Variants in B3GAT1 observed in about 807,000 individuals in gnomAD.
The protein encoded by B3GAT1 is galactosylgalactosylxylosylprotein 3-beta-glucuronosyltransferase 1.
Under a neutral mutation model 28.4 loss-of-function variants are expected in B3GAT1, and 11 were observed. The observed-to-expected ratio is 0.39, with a 90% CI of 0.24 to 0.64. B3GAT1 has a LOEUF of 0.64. Among genes scored for constraint, B3GAT1 ranks in the 30% least tolerant of loss-of-function variants. The probability of loss-of-function intolerance (pLI) is 0.50; values close to 1 mark genes in which losing one functional copy is unlikely to be tolerated. For missense variants in B3GAT1, 375 were observed against 491.0 expected (o/e 0.76, Z 2.23); for synonymous variants, 255 against 223.1 (o/e 1.14, Z -1.27).
At chr11:134,387,519 G>C (rs367579539) in intron 2 of B3GAT1, 29 bp downstream of exon 2, 529 of 1,611,454 alleles carry the variant, frequency 3.3e-4, no homozygotes, top group Non-Finnish European at 4.3e-4. Context: ...AGGCCCAGCT[G>C]GGCAGGCAGG....
intron 1 of B3GAT1, among the ~76,000 whole-genome samples, chr11:134,392,686 TG>T (rs1944435643): frequency 6.6e-6 from 1 of 152,060 alleles, no homozygotes; most frequent in African/African-American, 2.4e-5. Context: ...AATTTGTCTA[TG>T]GGTTTTAGGG....
At chr11:134,399,276 G>A (rs146671993) in intron 1 of B3GAT1, among the ~76,000 whole-genome samples, 276 of 152,306 alleles carry the variant, frequency 1.8e-3, no homozygotes, top group African/African-American at 6.3e-3. Context: ...TTTGGGTCCT[G>A]CCCTTGGACC....
chr11:134,399,110 G>A (rs374697316), intron 1 of B3GAT1, among the ~76,000 whole-genome samples: 14 of 152,108 alleles, frequency 9.2e-5, no homozygotes, highest in Admixed American at 3.9e-4. Flanking sequence ...GGCTCCTCTC[G>A]CCTGCATGAT....
intron 1 of B3GAT1, among the ~76,000 whole-genome samples, chr11:134,405,997 G>A (rs193053721): frequency 2.3e-3 from 346 of 152,348 alleles, no homozygotes; most frequent in African/African-American, 7.7e-3. Flanking sequence ...GTGAGGAAAC[G>A]CTCATGCAGC....
At chr11:134,407,378 C>A (rs369866311) in intron 1 of B3GAT1, among the ~76,000 whole-genome samples, 3 of 152,228 alleles carry the variant, frequency 2.0e-5, no homozygotes, top group Non-Finnish European at 2.9e-5. Context: ...GCACTCCCCA[C>A]GCCGTGCCGT....
intron 1 of B3GAT1, among the ~76,000 whole-genome samples, chr11:134,398,133 A>G (rs531110188): frequency 2.3e-4 from 35 of 152,316 alleles, no homozygotes; most frequent in African/African-American, 7.7e-4. Context: ...GTGACTTCAC[A>G]GGGCAGCTGG....
chr11:134,382,046 A>G (rs1252078451), intron 4 of B3GAT1, 22 bp from the exon 5 acceptor site: 1 of 1,610,390 alleles, frequency 6.2e-7, no homozygotes, highest in Non-Finnish European at 8.5e-7. Flanking sequence ...GAGATGCAAA[A>G]CATGGTGGGA....
chr11:134,401,006 G>C (rs1284720974), intron 1 of B3GAT1, among the ~76,000 whole-genome samples: 1 of 152,198 alleles, frequency 6.6e-6, no homozygotes, highest in African/African-American at 2.4e-5. Flanking sequence ...CTCAAGATTA[G>C]TGATCATTAG....
intron 3 of B3GAT1, 136 bp from the exon 4 acceptor site, chr11:134,383,142 T>A: frequency 1.0e-6 from 1 of 971,042 alleles, no homozygotes; most frequent in Non-Finnish European, 1.5e-6. Context: ...GGGTGTCCAG[T>A]ACAGCCCTGC....
chr11:134,381,798 C>A, intron 5 of B3GAT1, 126 bp downstream of exon 5: 1 of 736,140 alleles, frequency 1.4e-6, no homozygotes, highest in Non-Finnish European at 2.3e-6. Flanking sequence ...CGACGCCCTC[C>A]ACTCCTGCCC....
chr11:134,383,020 G>A lies in B3GAT1; in HGVS notation c.622-14C>T, dbSNP rs1445338278. On this transcript the variant is annotated splice_polypyrimidine_tract_variant and intron_variant, in intron 3 of 5. Coordinates refer to ENST00000312527, the MANE Select transcript of B3GAT1 (RefSeq NM_054025.3). ...GGTGCTGCGCATCTACAAGGGGGGG[G>A]TCCAGAGTCAGGGCGCCGGCACTGC... 2.0e-6 allele frequency: 3 copies of A among 1,533,698 alleles called. No individual in the cohort carries two copies. The highest frequency in any genetic ancestry group is 1.2e-5 in the South Asian group (1 of 82,890).
intron 1 of B3GAT1, among the ~76,000 whole-genome samples, chr11:134,397,547 G>A (rs891679980): frequency 2.1e-5 from 3 of 141,172 alleles, no homozygotes; most frequent in Non-Finnish European, 4.5e-5. Flanking sequence ...GGGGGCCAGA[G>A]GGCAGTGCCC....
chr11:134,387,910 G>A lies in B3GAT1; in HGVS notation c.-251C>T, dbSNP rs1944329320. 3.4e-6 allele frequency: 5 copies of A among 1,483,626 alleles called. No individual in the cohort carries two copies. Among genetic ancestry groups the A allele is most frequent in the Non-Finnish European group, 4.5e-6 (5 of 1,111,132 alleles). The allele number at this position is 1,483,626 out of a possible 1,614,324, so 91.9% of individuals were successfully genotyped here. A position where few individuals can be genotyped will look rare whatever the true frequency, so the allele number is the denominator to read the frequency against. On this transcript the variant is annotated 5_prime_UTR_variant, in exon 2 of 6. Coordinates refer to ENST00000312527, the MANE Select transcript of B3GAT1 (RefSeq NM_054025.3). The stretch of plus-strand genomic sequence containing the variant: ...TCTGAGAAGGGGTCGCTGTCCAGGG[G>A]CAGGGGTCAGGAACCCTGGGGGGTG...
chr11:134,382,446 T>C (rs1026642264), intron 4 of B3GAT1, among the ~76,000 whole-genome samples: 2 of 152,232 alleles, frequency 1.3e-5, no homozygotes, highest in Non-Finnish European at 2.9e-5. Context: ...CGTAGGCATG[T>C]GTGTGTGCAT....
chr11:134,403,410 A>G (rs11826381), intron 1 of B3GAT1, among the ~76,000 whole-genome samples: 31,380 of 152,174 alleles, frequency 0.21, 4,162 homozygotes, highest in African/African-American at 0.37. Context: ...CAGGCCAGGT[A>G]CACTCAGCCC....
In B3GAT1 at chr11:134,412,108, G is replaced by GGGAGCGGGGAGGGGAGAGGT. The variant is rs1944872694; in HGVS notation, c.-584_-583insACCTCTCCCCTCCCCGCTCC. On this transcript the variant is annotated 5_prime_UTR_variant, in exon 1 of 6. Coordinates refer to ENST00000312527, the MANE Select transcript of B3GAT1 (RefSeq NM_054025.3). ...AGGCGGGGGGCGGGGGGCGGGGAGG[G>GGGAGCGGGGAGGGGAGAGGT]GGAGCGGGGAGGGGGAGCGGGGAGC... Among the ~76,000 whole-genome samples, 1 of 107,590 alleles carries GGGAGCGGGGAGGGGAGAGGT rather than the reference G, an allele frequency of 9.3e-6. No homozygotes were observed. The highest frequency in any genetic ancestry group is 2.0e-5 in the Non-Finnish European group (1 of 50,896). 70.6% of individuals were successfully genotyped at this position (107,590 alleles called of 152,430 possible).
chr11:134,405,014 G>A lies in B3GAT1; in HGVS notation c.-282+6793C>T, dbSNP rs1015314785. Among the ~76,000 whole-genome samples, 8 of 152,176 alleles carry A rather than the reference G, an allele frequency of 5.3e-5. No individual in the cohort carries two copies. The South Asian group carries it at 1.2e-3, about 24-fold the overall frequency. On this transcript the variant is annotated intron_variant, in intron 1 of 5. Coordinates refer to ENST00000312527, the MANE Select transcript of B3GAT1 (RefSeq NM_054025.3). ...GGGCTCAGTGTCCTCCCCGTGCCAC[G>A]AGCGGCCGTCTCTCCCACTCTGTGG...
intron 5 of B3GAT1, among the ~76,000 whole-genome samples, chr11:134,381,090 A>G (rs1262671062): frequency 6.6e-6 from 1 of 152,186 alleles, no homozygotes; most frequent in Admixed American, 6.5e-5. Context: ...CATAACCTAG[A>G]GTAGGGAGTC....
At chr11:134,408,216 G>T (rs1449406485) in intron 1 of B3GAT1, among the ~76,000 whole-genome samples, 10 of 147,208 alleles carry the variant, frequency 6.8e-5, no homozygotes, top group Non-Finnish European at 1.2e-4. Flanking sequence ...GAGGGAGGTG[G>T]GACAGCCTGC....
Sources: allele counts gnomAD v4.1 joint callset (sites outside exome capture counted in the v4.1 genomes callset), GRCh38; gene constraint gnomAD v4.1.1; transcripts MANE v1.5; gene names NCBI Gene and HGNC (gene_info 2026-07-23, HGNC 2026-07-21).